The following CTDP1 variants were observed in gnomAD, a reference collection of about 807,000 sequenced individuals.
CTDP1 encodes RNA polymerase II subunit A C-terminal domain phosphatase.
In CTDP1, 47 loss-of-function variants were observed where a neutral mutation model predicts 91.8. The observed-to-expected ratio is 0.51, with a 90% CI of 0.41 to 0.65. The LOEUF is 0.65. CTDP1 is among the 30% of genes least tolerant of loss of function. CTDP1 has a pLI of 0.00. For synonymous variants in CTDP1, 656 were observed against 598.5 expected, an observed-to-expected ratio of 1.10 and a Z score of -1.40; for missense variants, 1,272 against 1,373.7, an observed-to-expected ratio of 0.93 and a Z score of 1.17.
upstream of CTDP1, among the ~76,000 whole-genome samples, chr18:79,676,847 T>C (rs1197945577): frequency 6.6e-6 from 1 of 152,238 alleles, no homozygotes; most frequent in Non-Finnish European, 1.5e-5. Context: ...TTTTTTCTCA[T>C]GATACTTGTA....
At chr18:79,735,887 C>T (rs747064172) in intron 11 of CTDP1, 33 of 189,168 alleles carry the variant, frequency 1.7e-4, no homozygotes, top group Non-Finnish European at 2.5e-4. Flanking sequence ...GACATCTTAG[C>T]GAGCGTCCCT....
chr18:79,714,948 G>A lies in CTDP1; in HGVS notation c.1488G>A (p.Ala496=), dbSNP rs201177854. ...AGGCTGCCCCAGAGGGAGCCGGGGC[G>A]CTGGCACAGGGCAGTTCCCTGGAGC... ...KPKAAPEGAG[A]LAQGSSLEPG... The change falls in exon 8 of 13, where the codon GCG becomes GCA. Residue 496 remains alanine (A), a synonymous_variant. Transcript: ENST00000613122. 3.6e-5 allele frequency: 57 copies of A among 1,564,230 alleles called. No homozygotes were observed. Among genetic ancestry groups the A allele is most frequent in the Non-Finnish European group, 4.2e-5 (49 of 1,154,736 alleles).
chr18:79,710,316 T>TTAC (rs1329851417), intron 5 of CTDP1, 30 bp from the exon 6 acceptor site: 1 of 1,562,360 alleles, frequency 6.4e-7, no homozygotes, highest in Non-Finnish European at 8.8e-7. Context: ...GTCTCAGGTA[T>TTAC]GTAATCTTTG....
chr18:79,714,790 G>A lies in CTDP1; in HGVS notation c.1330G>A (p.Gly444Ser), dbSNP rs1308755434. 2 of 1,603,590 alleles carry A rather than the reference G, an allele frequency of 1.2e-6. No individual in the cohort carries two copies. Among genetic ancestry groups the A allele is most frequent in the South Asian group, 1.1e-5 (1 of 89,634 alleles). Residue 444 changes from glycine (G) to serine (S), a missense_variant, in exon 8 of 13, where the codon GGT becomes AGT. By Grantham distance (56) the Gly-to-Ser change is moderately conservative. This residue lies in a region of CTDP1 where 881 missense variants were observed against 911.6 expected (regional missense o/e 0.97). Transcript: ENST00000613122. ...GGCACCGGGACAGCGGCCTGCCCAGGGTGCCACGGGCACTGACCTGGACTT... is the reference window on the plus strand; with the variant it reads ...GGCACCGGGACAGCGGCCTGCCCAGAGTGCCACGGGCACTGACCTGGACTT... ...RVAPGQRPAQGATGTDLDFDL... is the reference protein window; with the variant it reads ...RVAPGQRPAQSATGTDLDFDL...
Position 79,729,212 on chromosome 18 carries a change from G to A in CTDP1, c.2580+143G>A, listed in dbSNP as rs114767402. The stretch of plus-strand genomic sequence containing the variant: ...TGTGTAGTTGTGTCTGGTTTGGGAC[G>A]AGCACTTGTGTTTTTCACGCAACTT... On this transcript the variant is annotated intron_variant, in intron 11 of 12. Coordinates refer to ENST00000613122, the MANE Select transcript of CTDP1 (RefSeq NM_004715.5). 8.1e-4 allele frequency: 869 copies of A among 1,067,454 alleles called. 7 individuals are homozygous for A. In the African/African-American group the frequency reaches 0.011, roughly 13 times the overall value. 66.1% of individuals were successfully genotyped at this position (1,067,454 alleles called of 1,614,324 possible). A position where few individuals can be genotyped will look rare whatever the true frequency, so the allele number is the denominator to read the frequency against.
intron 12 of CTDP1, among the ~76,000 whole-genome samples, chr18:79,746,769 A>G (rs544326146): frequency 1.3e-5 from 2 of 152,256 alleles, no homozygotes; most frequent in East Asian, 3.9e-4. Flanking sequence ...GGTGCGCACC[A>G]CCATGCCTGG....
intron 5 of CTDP1, among the ~76,000 whole-genome samples, chr18:79,707,127 G>A (rs1335546305): frequency 1.3e-5 from 2 of 152,182 alleles, no homozygotes; most frequent in African/African-American, 2.4e-5. Flanking sequence ...TGGAAGGCTC[G>A]GATCTGTTTA....
intron 1 of CTDP1, among the ~76,000 whole-genome samples, chr18:79,682,203 G>A (rs1465128442): frequency 6.6e-6 from 1 of 152,192 alleles, no homozygotes; most frequent in Non-Finnish European, 1.5e-5. Flanking sequence ...CACTGCCCTG[G>A]CTCTGGGGGG....
downstream of CTDP1, chr18:79,755,000 G>C (rs1389631647): frequency 6.6e-6 from 1 of 152,328 alleles, no homozygotes; most frequent in African/African-American, 2.4e-5. Context: ...GCACGTGTGA[G>C]AACTCTCCAT....
intron 10 of CTDP1, among the ~76,000 whole-genome samples, chr18:79,724,421 T>G (rs2086405129): frequency 6.6e-6 from 1 of 152,206 alleles, no homozygotes; most frequent in African/African-American, 2.4e-5. Flanking sequence ...ACCTGCATCA[T>G]CATTTCATGT....
rs2086161180 is a variant in CTDP1, at chr18:79,714,691, C to T, written c.1231C>T (p.Gln411Ter). 1 of 1,609,766 alleles carries T rather than the reference C, an allele frequency of 6.2e-7. No individual in the cohort carries two copies. The highest frequency in any genetic ancestry group is 2.2e-5 in the East Asian group (1 of 44,764). The change falls in exon 8 of 13, where the codon CAG becomes TAG. Residue 411 changes from glutamine to a stop codon, truncating the protein, a stop_gained. Transcript: ENST00000613122. LOFTEE classifies it high-confidence loss of function. Reference sequence around the variant, plus strand: ...CGAGAGGGACATCTGGCCCCCTGCCCAGGCCCCCACCAGCAGCCAAGAGCT... The same window carrying T: ...CGAGAGGGACATCTGGCCCCCTGCCTAGGCCCCCACCAGCAGCCAAGAGCT... The part of the protein sequence containing the change: ...PDERDIWPPA[Q>*]APTSSQELAG...
At position 79,701,518 on chromosome 18, in the gene CTDP1, T is replaced by A. The variant is rs796591829; in HGVS notation, c.622-3249T>A. Among the ~76,000 whole-genome samples the A allele has an allele frequency of 4.8e-5, 6 of 124,402 alleles. No homozygotes were observed. The East Asian group carries it at 6.6e-4, about 14-fold the overall frequency. The allele number at this position is 124,402 out of a possible 152,430, so 81.6% of individuals were successfully genotyped here. A position where few individuals can be genotyped will look rare whatever the true frequency, so the allele number is the denominator to read the frequency against. Reference sequence around the variant, plus strand: ...GAGCAAGACTCCATCTCAAAAAAAATAATAAATAAATTAAATAAATAAATA... The same window carrying A: ...GAGCAAGACTCCATCTCAAAAAAAAAAATAAATAAATTAAATAAATAAATA... On this transcript the variant is annotated intron_variant, in intron 4 of 12. Transcript: ENST00000613122.
intron 5 of CTDP1, among the ~76,000 whole-genome samples, chr18:79,707,442 G>A (rs1049766802): frequency 3.9e-5 from 6 of 152,256 alleles, no homozygotes; most frequent in African/African-American, 7.2e-5. Flanking sequence ...GCGCTTGGCT[G>A]CGGAGAGCCT....
At chr18:79,690,902 C>T (rs1303381656) in intron 1 of CTDP1, among the ~76,000 whole-genome samples, 1 of 152,206 alleles carries the variant, frequency 6.6e-6, no homozygotes, top group Non-Finnish European at 1.5e-5. Flanking sequence ...GGCCAGTATG[C>T]GAGTGATTTT....
At chr18:79,712,586 G>A (rs937164839) in intron 6 of CTDP1, among the ~76,000 whole-genome samples, 1 of 152,320 alleles carries the variant, frequency 6.6e-6, no homozygotes, top group African/African-American at 2.4e-5. Context: ...GCCTAGCCTG[G>A]TCTGTTTACA....
At chr18:79,685,086 A>ACCTCGTGGTCTCTACTCCCGGTTTCTCTG (rs1568171237) in intron 1 of CTDP1, among the ~76,000 whole-genome samples, 3 of 152,080 alleles carry the variant, frequency 2.0e-5, no homozygotes, top group Admixed American at 6.5e-5. Flanking sequence ...GGTGAGGAGG[A>ACCTCGTGGTCTCTACTCCCGGTTTCTCTG]CGGTGCAGAT....
chr18:79,703,672 G>A (rs58675823), intron 4 of CTDP1: 46,809 of 150,892 alleles, frequency 0.31, 8,522 homozygotes, highest in East Asian at 0.41. Context: ...TGTGTAACAC[G>A]TATCAGCGAG....
chr18:79,739,707 G>T (rs1353342446), intron 12 of CTDP1, among the ~76,000 whole-genome samples: 1 of 152,198 alleles, frequency 6.6e-6, no homozygotes, highest in African/African-American at 2.4e-5. Flanking sequence ...TTCAGAATTT[G>T]AGATCAGGAG....
chr18:79,702,856 G>GT (rs1568184941), intron 4 of CTDP1: 1 of 152,322 alleles, frequency 6.6e-6, no homozygotes, highest in African/African-American at 2.4e-5. Flanking sequence ...GTGGAGTCTA[G>GT]TTATAATGTG....
Sources: gnomAD v4.1 joint callset for allele counts (sites outside exome capture counted in the v4.1 genomes callset) on GRCh38, gnomAD v4.1.1 for gene constraint, gnomAD v4.1.1 regional missense constraint, MANE v1.5 for transcripts, NCBI Gene and HGNC (gene_info 2026-07-23, HGNC 2026-07-21) for gene names.